The following EPB41 variants were observed in gnomAD, a reference collection of about 807,000 sequenced individuals.
EPB41 encodes erythrocyte membrane protein band 4.1, also known as protein 4.1.
A neutral mutation model predicts 108.0 loss-of-function variants in EPB41; 65 were observed. That is an observed-to-expected ratio of 0.60 (90% CI 0.49 to 0.74). The LOEUF (loss-of-function observed/expected upper bound fraction) is 0.74, where lower values mean the gene tolerates loss of function less well. EPB41 is among the 30% of genes least tolerant of loss of function. EPB41 has a pLI of 0.00. For synonymous variants in EPB41, 336 were observed against 358.9 expected, an observed-to-expected ratio of 0.94 and a Z score of 0.72; for missense variants, 875 against 1,037.0, an observed-to-expected ratio of 0.84 and a Z score of 2.15.
intron 11 of EPB41, 144 bp from the exon 12 acceptor site, chr1:29,052,960 A>AT (rs1644778164): frequency 2.2e-6 from 2 of 907,600 alleles, no homozygotes; most frequent in Non-Finnish European, 3.5e-6. Context: ...CTAATGATTT[A>AT]TTTTTTACCC....
At chr1:28,939,820 A>G (rs911647943) in intron 1 of EPB41, among the ~76,000 whole-genome samples, 26 of 152,204 alleles carry the variant, frequency 1.7e-4, no homozygotes, top group African/African-American at 6.0e-4. Flanking sequence ...ATCTATTGCT[A>G]CACAATCACC....
intron 2 of EPB41, among the ~76,000 whole-genome samples, chr1:28,991,189 A>G (rs1222325004): frequency 6.7e-6 from 1 of 148,444 alleles, no homozygotes; most frequent in South Asian, 2.1e-4. Context: ...TAAATATATA[A>G]ATATATATTT....
At chr1:29,047,383 G>C (rs987986824) in intron 11 of EPB41, among the ~76,000 whole-genome samples, 1 of 149,144 alleles carries the variant, frequency 6.7e-6, no homozygotes, top group Middle Eastern at 3.6e-3. Flanking sequence ...CTGAGTAGCT[G>C]GTACCACAAG....
intron 4 of EPB41, among the ~76,000 whole-genome samples, chr1:29,005,378 C>T (rs1311722309): frequency 6.6e-6 from 1 of 152,166 alleles, no homozygotes; most frequent in Non-Finnish European, 1.5e-5. Context: ...CTAGGGATTA[C>T]AATTTGACAT....
At chr1:29,110,873 T>C (rs1299521149) in intron 18 of EPB41, among the ~76,000 whole-genome samples, 1 of 152,174 alleles carries the variant, frequency 6.6e-6, no homozygotes, top group African/African-American at 2.4e-5. Context: ...CTTCAGATTT[T>C]TTTCCTCTTG....
At chr1:28,955,208 C>T (rs204058) in intron 1 of EPB41, among the ~76,000 whole-genome samples, 67,694 of 152,068 alleles carry the variant, frequency 0.45, 17,658 homozygotes, top group East Asian at 0.85. Flanking sequence ...TGTACAAGAA[C>T]TAAGGAATTT....
At chr1:29,090,334 C>G (rs1453104691) in intron 16 of EPB41, among the ~76,000 whole-genome samples, 1 of 152,056 alleles carries the variant, frequency 6.6e-6, no homozygotes, top group Non-Finnish European at 1.5e-5. Flanking sequence ...AATAAAAATG[C>G]CTTGATGACA....
At chr1:29,116,659 T>A (rs1671053640) in intron 20 of EPB41, among the ~76,000 whole-genome samples, 160 bp from the exon 21 acceptor site, 1 of 152,158 alleles carries the variant, frequency 6.6e-6, no homozygotes, top group Non-Finnish European at 1.5e-5. Flanking sequence ...AAAGTAATTT[T>A]AAAAAGACTT....
At chr1:28,990,194 T>C (rs1384817290) in intron 2 of EPB41, among the ~76,000 whole-genome samples, 2 of 147,066 alleles carry the variant, frequency 1.4e-5, no homozygotes, top group Admixed American at 1.4e-4. Flanking sequence ...ATCACGCCAC[T>C]GCACTCCAGC....
chr1:29,011,370 GAA>G (rs796906291), intron 4 of EPB41, among the ~76,000 whole-genome samples: 3 of 107,530 alleles, frequency 2.8e-5, no homozygotes, highest in Non-Finnish European at 4.1e-5. Flanking sequence ...TTCTCAAAAA[GAA>G]AAAAAAAAAA....
In EPB41 at chr1:29,027,554, C is replaced by T. The variant is rs368089423; in HGVS notation, c.1125-2846C>T. ...CCATGTTGGTCAGGCTGGTCTCAAACTCCCAACCTCAGGTGATCCGCCCAC... is the reference window on the plus strand; with the variant it reads ...CCATGTTGGTCAGGCTGGTCTCAAATTCCCAACCTCAGGTGATCCGCCCAC... On this transcript the variant is annotated intron_variant, in intron 7 of 20. Coordinates refer to ENST00000343067, the MANE Select transcript of EPB41 (RefSeq NM_001376013.1). Among the ~76,000 whole-genome samples, 665 of 151,988 alleles carry T rather than the reference C, an allele frequency of 4.4e-3. 4 individuals are homozygous for T. The highest frequency in any genetic ancestry group is 0.015 in the African/African-American group (631 of 41,444).
chr1:28,931,912 G>T (rs1458283556), intron 1 of EPB41, among the ~76,000 whole-genome samples: 1 of 152,204 alleles, frequency 6.6e-6, no homozygotes, highest in African/African-American at 2.4e-5. Flanking sequence ...CTTGGCAGGG[G>T]CCAGTACAAA....
intron 16 of EPB41, chr1:29,071,982 C>G (rs1651707944): frequency 6.6e-6 from 1 of 152,054 alleles, no homozygotes; most frequent in Middle Eastern, 3.2e-3. Context: ...ACAGTAAAGA[C>G]AAGAATCTTT....
chr1:29,008,133 A>G (rs2096438970), intron 4 of EPB41, among the ~76,000 whole-genome samples: 1 of 151,930 alleles, frequency 6.6e-6, no homozygotes, highest in African/African-American at 2.4e-5. Context: ...TTCCTGTTTT[A>G]GTGAATAGTG....
chr1:29,050,274 A>G (rs1270444616), intron 11 of EPB41, among the ~76,000 whole-genome samples: 1 of 152,210 alleles, frequency 6.6e-6, no homozygotes, highest in Non-Finnish European at 1.5e-5. Context: ...CCACACTAAT[A>G]CCTTCTTTTC....
rs57580988 is a variant in EPB41, at chr1:28,968,982, C to CAA, written c.-7-18440_-7-18439dup. Among the ~76,000 whole-genome samples the CAA allele has an allele frequency of 1.3e-3, 180 of 137,828 alleles. 9 individuals are homozygous for CAA. In the East Asian group the frequency reaches 0.031, roughly 24 times the overall value. The allele number at this position is 137,828 out of a possible 152,430, so 90.4% of individuals were successfully genotyped here. A position where few individuals can be genotyped will look rare whatever the true frequency, so the allele number is the denominator to read the frequency against. On this transcript the variant is annotated intron_variant, in intron 1 of 20. Coordinates refer to ENST00000343067, the MANE Select transcript of EPB41 (RefSeq NM_001376013.1). ...TCTGCCTCCAAAACCCCCCACCCCC[C>CAA]AAAAAAAAAACACAAACTAAATGAA... is the stretch of plus-strand genomic sequence containing the variant.
chr1:29,112,812 G>A (rs1381839617), intron 19 of EPB41, among the ~76,000 whole-genome samples: 1 of 152,202 alleles, frequency 6.6e-6, no homozygotes. Flanking sequence ...TGGATGAACA[G>A]CTGGTGGCAC....
At chr1:29,028,075 C>G (rs184121628) in intron 7 of EPB41, among the ~76,000 whole-genome samples, 1 of 152,100 alleles carries the variant, frequency 6.6e-6, no homozygotes. Context: ...CCGCCTGCCT[C>G]GGCCTCCCAA....
chr1:29,113,588 TGCG>T (rs925546596), intron 19 of EPB41, among the ~76,000 whole-genome samples: 8 of 152,176 alleles, frequency 5.3e-5, no homozygotes, highest in Admixed American at 5.2e-4. Flanking sequence ...GCAAAAGCAA[TGCG>T]GTGAAAGGTG....
Sources: gnomAD v4.1 joint callset for allele counts (sites outside exome capture counted in the v4.1 genomes callset) on GRCh38, gnomAD v4.1.1 for gene constraint, MANE v1.5 for transcripts, NCBI Gene and HGNC (gene_info 2026-07-23, HGNC 2026-07-21) for gene names.